SHC2: variants seen among roughly 807,000 people sequenced by gnomAD.
SHC2 encodes the protein SHC adaptor protein 2.
A neutral mutation model predicts 60.6 loss-of-function variants in SHC2; 62 were observed. The observed-to-expected ratio is 1.02, with a 90% CI of 0.83 to 1.26. The LOEUF is 1.26. Ranked by LOEUF, SHC2 falls within the 50% of genes most tolerant of loss-of-function variation. The probability of loss-of-function intolerance (pLI) is 0.00; values close to 1 mark genes in which losing one functional copy is unlikely to be tolerated. For synonymous variants in SHC2, 375 were observed against 372.4 expected, an observed-to-expected ratio of 1.01 and a Z score of -0.08; for missense variants, 873 against 822.2, an observed-to-expected ratio of 1.06 and a Z score of -0.76.
intron 1 of SHC2, among the ~76,000 whole-genome samples, chr19:443,463 C>G (rs1297401387): frequency 1.3e-4 from 7 of 51,910 alleles, no homozygotes; most frequent in Admixed American, 1.2e-3. Context: ...GATGGGTGGA[C>G]AGATGGGTGG....
chr19:455,596 CG>C (rs1209961155), intron 1 of SHC2, among the ~76,000 whole-genome samples: 1 of 152,254 alleles, frequency 6.6e-6, no homozygotes, highest in Admixed American at 6.5e-5. Flanking sequence ...CCGGCTGAGT[CG>C]CCCGGCCCAT....
Position 425,152 on chromosome 19 carries a change from C to G in SHC2, c.1254G>C (p.Gln418His), listed in dbSNP as rs761226818. 7.2e-7 allele frequency: 1 copy of G among 1,384,260 alleles called. No individual in the cohort carries two copies. Among genetic ancestry groups the G allele is most frequent in the South Asian group, 1.9e-5 (1 of 52,068 alleles). The allele number at this position is 1,384,260 out of a possible 1,614,324, so 85.7% of individuals were successfully genotyped here. A position where few individuals can be genotyped will look rare whatever the true frequency, so the allele number is the denominator to read the frequency against. The change falls in exon 10 of 13, where the codon CAG becomes CAC. Residue 418 changes from glutamine to histidine, a missense_variant. Physicochemically the swap from Gln to His is conservative, Grantham distance 24. Coordinates refer to ENST00000264554, the MANE Select transcript of SHC2 (RefSeq NM_012435.3). This position sits in a 1 kb window ranked among gnomAD's most constrained non-coding sequence, Gnocchi z 4.1. ...DHEEHLYVNTQGLDAPEPEDS... is the reference protein window; with the variant it reads ...DHEEHLYVNTHGLDAPEPEDS... The stretch of plus-strand genomic sequence containing the variant: ...CCTCCGGCTCGGGGGCGTCCAGACC[C>G]TGGGTGTTGACATACAGGTGCTCCT...
chr19:451,680 C>A (rs1028209049), intron 1 of SHC2, among the ~76,000 whole-genome samples: 2 of 152,322 alleles, frequency 1.3e-5, no homozygotes, highest in Admixed American at 6.5e-5. Flanking sequence ...TCACTGCAAC[C>A]TCCACCTCTT....
At position 436,678 on chromosome 19, in the gene SHC2, G is replaced by A. The variant is rs537255182; in HGVS notation, c.726C>T (p.Ile242=). The stretch of plus-strand genomic sequence containing the variant: ...AGATGGACGGCATGTGGTGGTTGGC[G>A]ATGACCTGTGGCGGCAGGAGGCACA... ...SLSVPATRQV[I]ANHHMPSISF... is the part of the protein sequence containing the mutation. Residue 242 remains isoleucine, a synonymous_variant, in exon 5 of 13, where the codon ATC becomes ATT. Transcript: ENST00000264554. 25 of 1,605,626 alleles carry A rather than the reference G, an allele frequency of 1.6e-5. No individual in the cohort carries two copies. Among genetic ancestry groups the A allele is most frequent in the African/African-American group, 5.3e-5 (4 of 75,026 alleles).
At chr19:427,259 G>A (rs879765740) in intron 9 of SHC2, among the ~76,000 whole-genome samples, 11 of 152,236 alleles carry the variant, frequency 7.2e-5, no homozygotes, top group Non-Finnish European at 1.2e-4. Flanking sequence ...GCTGGTGGGC[G>A]AGCCGACTGC....
intron 9 of SHC2, among the ~76,000 whole-genome samples, chr19:429,898 G>A (rs925020114): frequency 3.2e-5 from 4 of 124,094 alleles, no homozygotes; most frequent in African/African-American, 1.3e-4. Context: ...CCAACGTGCA[G>A]AGAAACCTAA....
At position 455,469 on chromosome 19, in the gene SHC2, T is replaced by C. The variant is rs552316827; in HGVS notation, c.468+5060A>G. On this transcript the variant is annotated intron_variant, in intron 1 of 12. Transcript: ENST00000264554. Reference sequence around the variant, plus strand: ...GAGCCTCGGCGCCGGAGGTACTGCATTTGCACCGATGCTGCCCACGGCGCT... The same window carrying C: ...GAGCCTCGGCGCCGGAGGTACTGCACTTGCACCGATGCTGCCCACGGCGCT... 2.0e-5 allele frequency among the ~76,000 whole-genome samples: 3 copies of C among 152,316 alleles called. No individual in the cohort carries two copies. The East Asian group carries it at 5.8e-4, about 29-fold the overall frequency.
chr19:456,040 G>A (rs1035428840), intron 1 of SHC2, among the ~76,000 whole-genome samples: 9 of 152,172 alleles, frequency 5.9e-5, no homozygotes, highest in South Asian at 2.1e-4. Context: ...TCCGGCTCCC[G>A]CAGGAGGACC....
rs1340123317 is a variant in SHC2, at chr19:451,144, C to T, written c.468+9385G>A. On this transcript the variant is annotated intron_variant, in intron 1 of 12. Coordinates refer to ENST00000264554, the MANE Select transcript of SHC2 (RefSeq NM_012435.3). The stretch of plus-strand genomic sequence containing the variant: ...TCATATTTCAGTGTGTGGATGGCCA[C>T]GCCATGGCTGTGCTGTATTTCAGCG... 4.1e-5 allele frequency among the ~76,000 whole-genome samples: 6 copies of T among 145,384 alleles called. No homozygotes were observed. In the East Asian group the frequency reaches 6.3e-4, roughly 15 times the overall value.
At chr19:430,513 A>G (rs935973142) in intron 9 of SHC2, among the ~76,000 whole-genome samples, 171 bp downstream of exon 9, 3 of 152,236 alleles carry the variant, frequency 2.0e-5, no homozygotes, top group Non-Finnish European at 4.4e-5. Context: ...GTGTGCAGGA[A>G]AAACAGACAC....
In SHC2 at chr19:422,529, G is replaced by A; in HGVS notation, c.1310-73C>T. 1 of 1,331,684 alleles carries A rather than the reference G, an allele frequency of 7.5e-7. No homozygotes were observed. Among genetic ancestry groups the A allele is most frequent in the Non-Finnish European group, 1.0e-6 (1 of 990,960 alleles). 82.5% of individuals were successfully genotyped at this position (1,331,684 alleles called of 1,614,324 possible). On this transcript the variant is annotated intron_variant, in intron 10 of 12. Transcript: ENST00000264554. This position sits in a 1 kb window ranked among gnomAD's most constrained non-coding sequence, Gnocchi z 5.0. ...ACTCCTGCCGGGACCAGAGCTGGGA[G>A]AAACGGGTTCCCCGGGGAGTCCCTC...
intron 1 of SHC2, among the ~76,000 whole-genome samples, chr19:458,625 G>A (rs1324524129): frequency 1.4e-5 from 2 of 142,396 alleles, no homozygotes; most frequent in Non-Finnish European, 3.1e-5. Context: ...GGCGGACGCG[G>A]GTTCCGGGGA....
chr19:434,719 G>A lies in SHC2; in HGVS notation c.1100C>T (p.Ala367Val), dbSNP rs1417282373. ...LALTQPCALTALDQGPSPSLR... is the reference protein window; with the variant it reads ...LALTQPCALTVLDQGPSPSLR... ...AGGGCAGAGGCTGACCTGGTCGAGG[G>A]CCGTGAGGGCGCAGGGCTGTGTCAG... Residue 367 changes from alanine to valine, a missense_variant, in exon 8 of 13, where the codon GCC (alanine) becomes GTC (valine). Transcript: ENST00000264554. 6 of 1,610,314 alleles carry A rather than the reference G, an allele frequency of 3.7e-6. No individual in the cohort carries two copies. Among genetic ancestry groups the A allele is most frequent in the African/African-American group, 1.3e-5 (1 of 74,856 alleles).
At chr19:426,445 G>A (rs1195192053) in intron 9 of SHC2, among the ~76,000 whole-genome samples, 4 of 122,968 alleles carry the variant, frequency 3.3e-5, no homozygotes, top group Admixed American at 3.1e-4. Flanking sequence ...GCAGAGTCCG[G>A]GGAGGGAGGA....
At chr19:442,881 G>A (rs1254606421) in intron 1 of SHC2, among the ~76,000 whole-genome samples, 1 of 148,476 alleles carries the variant, frequency 6.7e-6, no homozygotes, top group Admixed American at 6.7e-5. Flanking sequence ...ATAGATGAGT[G>A]GATGGGTGGG....
At position 422,516 on chromosome 19, in the gene SHC2, A is replaced by T. The variant is rs1279305556; in HGVS notation, c.1310-60T>A. 2.9e-5 allele frequency: 40 copies of T among 1,398,496 alleles called. No homozygotes were observed. The highest frequency in any genetic ancestry group is 3.8e-5 in the Non-Finnish European group (40 of 1,049,598). 86.6% of individuals were successfully genotyped at this position (1,398,496 alleles called of 1,614,324 possible). A position where few individuals can be genotyped will look rare whatever the true frequency, so the allele number is the denominator to read the frequency against. On this transcript the variant is annotated intron_variant, in intron 10 of 12. Coordinates refer to ENST00000264554, the MANE Select transcript of SHC2 (RefSeq NM_012435.3). The surrounding 1 kb of genome is among the most constrained non-coding windows in gnomAD (Gnocchi z 5.0). ...GGGGCAAGCAGCTACTCCTGCCGGGACCAGAGCTGGGAGAAACGGGTTCCC... is the reference window on the plus strand; with the variant it reads ...GGGGCAAGCAGCTACTCCTGCCGGGTCCAGAGCTGGGAGAAACGGGTTCCC...
chr19:420,857 C>T (rs1439759621), intron 11 of SHC2, among the ~76,000 whole-genome samples: 2 of 151,442 alleles, frequency 1.3e-5, no homozygotes, highest in African/African-American at 4.9e-5. Flanking sequence ...CGAGACCAAC[C>T]TGGCCAACAT....
At chr19:448,939 G>A (rs1975109535) in intron 1 of SHC2, among the ~76,000 whole-genome samples, 1 of 151,798 alleles carries the variant, frequency 6.6e-6, no homozygotes, top group Non-Finnish European at 1.5e-5. Flanking sequence ...GACGGCTTGA[G>A]TTCAGGAGTT....
Position 445,171 on chromosome 19 carries a change from A to T in SHC2, c.469-4239T>A, listed in dbSNP as rs1360733456. 6.6e-6 allele frequency among the ~76,000 whole-genome samples: 1 copy of T among 152,228 alleles called. No individual in the cohort carries two copies. The highest frequency in any genetic ancestry group is 1.5e-5 in the Non-Finnish European group (1 of 68,046). On this transcript the variant is annotated intron_variant, in intron 1 of 12. Transcript: ENST00000264554. The surrounding 1 kb of genome is among the most constrained non-coding windows in gnomAD (Gnocchi z 4.4). ...TTTGTAAATATCGATCTAGGGCTGA[A>T]TATCTGTGCCCCCCTCAAAATCCCT...
Sources: gnomAD v4.1 joint callset for allele counts (sites outside exome capture counted in the v4.1 genomes callset) on GRCh38, gnomAD v4.1.1 for gene constraint, Gnocchi (gnomAD v3.1) non-coding constraint, MANE v1.5 for transcripts, NCBI Gene and HGNC (gene_info 2026-07-23, HGNC 2026-07-21) for gene names.